Variants in DDX54 observed in about 807,000 individuals in gnomAD.
The protein encoded by DDX54 is ATP-dependent RNA helicase DDX54.
A neutral mutation model predicts 105.5 loss-of-function variants in DDX54; 67 were observed. That is an observed-to-expected ratio of 0.64 (90% CI 0.52 to 0.78). DDX54 has a LOEUF of 0.78. DDX54 is among the 30% of genes least tolerant of loss of function. The pLI, the probability that DDX54 is intolerant of heterozygous loss-of-function variation, is 0.00. For synonymous variants in DDX54, 514 were observed against 509.9 expected, an observed-to-expected ratio of 1.01 and a Z score of -0.11; for missense variants, 1,206 against 1,230.5, an observed-to-expected ratio of 0.98 and a Z score of 0.30.
chr12:113,161,183 C>G (rs1952200326), intron 19 of DDX54, 87 bp downstream of exon 19: 2 of 1,074,290 alleles, frequency 1.9e-6, no homozygotes, highest in Non-Finnish European at 2.7e-6. Context: ...CTGCAGTAGC[C>G]CCTGCACCTG....
Position 113,166,059 on chromosome 12 carries a change from A to C in DDX54, c.1415-27T>G, listed in dbSNP as rs757483929. On this transcript the variant is annotated intron_variant, in intron 12 of 19. Coordinates refer to ENST00000306014, the MANE Select transcript of DDX54 (RefSeq NM_024072.4). ...TGCACCCCACACAGCACCTTGTCAG[A>C]GGTCTTTCAGCCTGGCCCGCCTGTC... 30 of 1,577,172 alleles carry C rather than the reference A, an allele frequency of 1.9e-5. No individual in the cohort carries two copies. In the East Asian group the frequency reaches 5.9e-4, roughly 31 times the overall value.
chr12:113,157,987 ACT>A lies in DDX54; in HGVS notation c.*888_*889del, dbSNP rs1952154918. On this transcript the variant is annotated 3_prime_UTR_variant, in exon 20 of 20. Coordinates refer to ENST00000306014, the MANE Select transcript of DDX54 (RefSeq NM_024072.4). ...CAGGGTGGTTGGGGCATGAAAAAAA[ACT>A]CTTTGTCAGGTCTCAGAACAGGGTC... is the stretch of plus-strand genomic sequence containing the variant. 2.4e-6 allele frequency: 1 copy of A among 413,406 alleles called. No homozygotes were observed. The highest frequency in any genetic ancestry group is 4.5e-6 in the Non-Finnish European group (1 of 224,668). 25.6% of individuals were successfully genotyped at this position (413,406 alleles called of 1,614,324 possible). A position where few individuals can be genotyped will look rare whatever the true frequency, so the allele number is the denominator to read the frequency against.
At position 113,158,962 on chromosome 12, in the gene DDX54, T is replaced by C. The variant is rs760698052; in HGVS notation, c.2561A>G (p.Asn854Ser). 6.2e-7 allele frequency: 1 copy of C among 1,611,402 alleles called. No individual in the cohort carries two copies. ...CTGCAGCTCCTGGACGCGGCGGCGG[T>C]TGCGGGCAGAGAGCTGCTTGAGGCC... ...RGGLKQLSARNRRRVQELQQG... is the reference protein window; with the variant it reads ...RGGLKQLSARSRRRVQELQQG... Residue 854 changes from asparagine (N) to serine (S), a missense_variant, in exon 20 of 20, where the codon AAC becomes AGC. Transcript: ENST00000306014. The surrounding 1 kb of genome is among the most constrained non-coding windows in gnomAD (Gnocchi z 4.9).
At position 113,165,826 on chromosome 12, in the gene DDX54, C is replaced by A; in HGVS notation, c.1621G>T (p.Gly541Trp). The A allele has an allele frequency of 6.2e-7, 1 of 1,608,416 alleles. No individual in the cohort carries two copies. ...CTGAAGAGGGGGTGCAGGCCCAGCC[C>A]CACAAGGTCCATCTCCTTGGCCCTC... ...IKRAKEMDLVGLGLHPLFSSR... is the reference protein window; with the variant it reads ...IKRAKEMDLVWLGLHPLFSSR... The change falls in exon 13 of 20, where the codon GGG becomes TGG. Residue 541 changes from glycine (G) to tryptophan (W), a missense_variant. Gly to Trp is a radical substitution (Grantham distance 184). Transcript: ENST00000306014.
intron 19 of DDX54, among the ~76,000 whole-genome samples, chr12:113,160,910 G>GAAAA (rs1239717102): frequency 3.3e-5 from 5 of 152,294 alleles, no homozygotes; most frequent in Middle Eastern, 3.4e-3. Context: ...GGTTCTCTAG[G>GAAAA]ATTTTACACA....
chr12:113,157,522 G>C lies in DDX54; in HGVS notation c.*1355C>G. ...ATCTCCAGTCCCCGCCCTACCTTTCGGCCTCCCCCGCGTGTTGAGGGGTGG... is the reference window on the plus strand; with the variant it reads ...ATCTCCAGTCCCCGCCCTACCTTTCCGCCTCCCCCGCGTGTTGAGGGGTGG... On this transcript the variant is annotated 3_prime_UTR_variant, in exon 20 of 20. Coordinates refer to ENST00000306014, the MANE Select transcript of DDX54 (RefSeq NM_024072.4). 1 of 1,172,176 alleles carries C rather than the reference G, an allele frequency of 8.5e-7. No individual in the cohort carries two copies. Among genetic ancestry groups the C allele is most frequent in the East Asian group, 2.6e-5 (1 of 38,834 alleles). The allele number at this position is 1,172,176 out of a possible 1,614,324, so 72.6% of individuals were successfully genotyped here. A position where few individuals can be genotyped will look rare whatever the true frequency, so the allele number is the denominator to read the frequency against.
At chr12:113,170,506 G>A (rs995815905) in intron 11 of DDX54, among the ~76,000 whole-genome samples, 4 of 152,182 alleles carry the variant, frequency 2.6e-5, no homozygotes, top group Non-Finnish European at 5.9e-5. Flanking sequence ...AGATGTGATG[G>A]TGTGTGCCTG....
At chr12:113,180,839 C>A (rs189917725) in intron 2 of DDX54, 90 bp downstream of exon 2, 300 of 1,587,456 alleles carry the variant, frequency 1.9e-4, no homozygotes, top group Non-Finnish European at 2.4e-4. Context: ...CAGTGCTGGG[C>A]CCAGAGTGGA....
chr12:113,161,502 GC>G, intron 18 of DDX54, 120 bp from the exon 19 acceptor site: 1 of 761,654 alleles, frequency 1.3e-6, no homozygotes, highest in Non-Finnish European at 2.1e-6. Context: ...GCTCGGCCCC[GC>G]CCCCAGCACA....
intron 12 of DDX54, 122 bp from the exon 13 acceptor site, chr12:113,166,154 C>A: frequency 1.1e-6 from 1 of 951,960 alleles, no homozygotes; most frequent in Non-Finnish European, 1.5e-6. Flanking sequence ...ACAAAATAAT[C>A]ACTGCAAAGA....
In DDX54 at chr12:113,159,125, T is replaced by C. The variant is rs781092871; in HGVS notation, c.2414-16A>G. ...CGGGATGCACCTGCTGGGACAGGGA[T>C]TCAGGGAGCTCAGCTGTTGGGATCA... On this transcript the variant is annotated splice_polypyrimidine_tract_variant and intron_variant, in intron 19 of 19. Coordinates refer to ENST00000306014, the MANE Select transcript of DDX54 (RefSeq NM_024072.4). 6.3e-7 allele frequency: 1 copy of C among 1,577,444 alleles called. No individual in the cohort carries two copies. Among genetic ancestry groups the C allele is most frequent in the Non-Finnish European group, 8.6e-7 (1 of 1,163,468 alleles).
At position 113,158,787 on chromosome 12, in the gene DDX54, C is replaced by A; in HGVS notation, c.*90G>T. On this transcript the variant is annotated 3_prime_UTR_variant, in exon 20 of 20. Transcript: ENST00000306014. This position sits in a 1 kb window ranked among gnomAD's most constrained non-coding sequence, Gnocchi z 4.9. ...TGCAGGGAGTGCCCCCAGTGCCCAG[C>A]ACAGGGCCAGGCACACAGTGGTGCA... The A allele has an allele frequency of 7.1e-7, 1 of 1,411,598 alleles. No individual in the cohort carries two copies. The highest frequency in any genetic ancestry group is 9.5e-7 in the Non-Finnish European group (1 of 1,049,716). The allele number at this position is 1,411,598 out of a possible 1,614,324, so 87.4% of individuals were successfully genotyped here.
chr12:113,169,956 A>T, intron 11 of DDX54, 52 bp from the exon 12 acceptor site: 1 of 1,603,772 alleles, frequency 6.2e-7, no homozygotes, highest in Non-Finnish European at 8.5e-7. Flanking sequence ...ACCCGGACCC[A>T]GCATGAGTTC....
chr12:113,160,501 G>C (rs1320106431), intron 19 of DDX54, among the ~76,000 whole-genome samples: 1 of 152,214 alleles, frequency 6.6e-6, no homozygotes, highest in Non-Finnish European at 1.5e-5. Context: ...GAGCCTGCCT[G>C]CACCCAGCAA....
chr12:113,165,470 G>A (rs1312247149), intron 14 of DDX54, among the ~76,000 whole-genome samples, 174 bp downstream of exon 14: 1 of 149,646 alleles, frequency 6.7e-6, no homozygotes, highest in Non-Finnish European at 1.5e-5. Context: ...TGCAGGTTAA[G>A]AAGCTATAAG....
In DDX54 at chr12:113,176,909, A is replaced by G; in HGVS notation, c.683T>C (p.Val228Ala). 5 of 1,614,196 alleles carry G rather than the reference A, an allele frequency of 3.1e-6. No homozygotes were observed. Among genetic ancestry groups the G allele is most frequent in the Non-Finnish European group, 4.2e-6 (5 of 1,180,044 alleles). ...DIIIATPGRL[V>A]HVAVEMSLKL... is the part of the protein sequence containing the mutation. ...CAGGCTCATTTCCACAGCCACATGC[A>G]CCAACCGTCCGGGCGTGGCAATAAT... is the stretch of plus-strand genomic sequence containing the variant. The change falls in exon 7 of 20, where the codon GTG becomes GCG. Residue 228 changes from valine (V) to alanine (A), a missense_variant. By Grantham distance (64) the Val-to-Ala change is moderately conservative. Transcript: ENST00000306014.
chr12:113,159,479 T>C (rs1952178990), intron 19 of DDX54, among the ~76,000 whole-genome samples: 1 of 152,150 alleles, frequency 6.6e-6, no homozygotes, highest in African/African-American at 2.4e-5. Flanking sequence ...TGTCCCATAG[T>C]GGGAGCCTTT....
chr12:113,183,591 C>T (rs55931972), intron 1 of DDX54: 8,707 of 152,372 alleles, frequency 0.057, 305 homozygotes, highest in Middle Eastern at 0.075. Context: ...AAATAATGGG[C>T]GCAGCCCTTC....
In DDX54 at chr12:113,158,904, C is replaced by T. The variant is rs374031625; in HGVS notation, c.2619G>A (p.Lys873=). ...ACATCCTCTTCCGCATCTTGCCCTT[C>T]TTGGAGCGGGCACCCCGGCCGAAGG... ...QGAFGRGARS[K]KGKMRKRM Residue 873 remains lysine, a synonymous_variant, in exon 20 of 20, where the codon AAG becomes AAA. Transcript: ENST00000306014. This position sits in a 1 kb window ranked among gnomAD's most constrained non-coding sequence, Gnocchi z 4.9. The T allele has an allele frequency of 4.4e-6, 7 of 1,606,720 alleles. No individual in the cohort carries two copies. The highest frequency in any genetic ancestry group is 2.7e-5 in the African/African-American group (2 of 74,804).
Sources: gnomAD v4.1 joint callset for allele counts (sites outside exome capture counted in the v4.1 genomes callset) on GRCh38, gnomAD v4.1.1 for gene constraint, Gnocchi (gnomAD v3.1) non-coding constraint, MANE v1.5 for transcripts, NCBI Gene and HGNC (gene_info 2026-07-23, HGNC 2026-07-21) for gene names.